ITSN2: variants seen among roughly 807,000 people sequenced by gnomAD.
ITSN2 encodes the protein intersectin-2.
ITSN2 carries 156 observed loss-of-function variants against 243.7 expected under a neutral mutation model. The observed-to-expected ratio is 0.64, with a 90% CI of 0.56 to 0.73. The LOEUF is 0.73. ITSN2 is among the 30% of genes least tolerant of loss of function. The probability of loss-of-function intolerance (pLI) is 0.00; values close to 1 mark genes in which losing one functional copy is unlikely to be tolerated. For missense variants in ITSN2, 1,801 were observed against 1,996.1 expected (o/e 0.90, Z 1.86); for synonymous variants, 703 against 699.9 (o/e 1.00, Z -0.07).
rs367574973 is a variant in ITSN2, at chr2:24,270,731, T to A, written c.2295A>T (p.Leu765Phe). The part of the protein sequence containing the change: ...TASVLVNYRA[L>F]YPFEARNHDE... ...CATGGTTCCTTGCTTCAAAGGGGTA[T>A]AATGCTCTATAATTCACCAAAACAC... The change falls in exon 20 of 40, where the codon TTA becomes TTT. Residue 765 changes from leucine (L) to phenylalanine (F), a missense_variant. Physicochemically the swap from Leu to Phe is conservative, Grantham distance 22. Around this residue, in one of 5 missense-constraint regions of ITSN2, gnomAD observed 787 missense variants for 803.9 expected, o/e 0.98. Transcript: ENST00000355123. The A allele has an allele frequency of 6.3e-7, 1 of 1,599,820 alleles. No individual in the cohort carries two copies. The highest frequency in any genetic ancestry group is 1.1e-5 in the South Asian group (1 of 89,784).
chr2:24,314,539 T>A (rs1192671559), intron 3 of ITSN2, among the ~76,000 whole-genome samples: 2 of 152,350 alleles, frequency 1.3e-5, no homozygotes, highest in East Asian at 3.9e-4. Context: ...AATAAAATAA[T>A]GCACTTAGCA....
chr2:24,310,442 TTC>T, intron 6 of ITSN2, 45 bp downstream of exon 6: 2 of 1,609,424 alleles, frequency 1.2e-6, no homozygotes, highest in Non-Finnish European at 1.7e-6. Context: ...CACAAATAGT[TTC>T]TTTCTTTACA....
At chr2:24,210,176 A>G (rs1669326781) in intron 34 of ITSN2, 143 bp from the exon 35 acceptor site, 1 of 624,360 alleles carries the variant, frequency 1.6e-6, no homozygotes, top group African/African-American at 1.8e-5. Flanking sequence ...TTTGCATGAA[A>G]GATCCTTAAA....
chr2:24,308,418 T>C (rs75009599), intron 8 of ITSN2, among the ~76,000 whole-genome samples, 199 bp downstream of exon 8: 6 of 152,226 alleles, frequency 3.9e-5, no homozygotes, highest in East Asian at 3.8e-4. Context: ...AGTAAGAACT[T>C]TGAAGAAAGC....
chr2:24,248,120 G>A (rs969497288), intron 27 of ITSN2, among the ~76,000 whole-genome samples: 5 of 151,630 alleles, frequency 3.3e-5, no homozygotes, highest in African/African-American at 1.2e-4. Flanking sequence ...CCCTTTTCCT[G>A]TATCAAAACA....
intron 36 of ITSN2, among the ~76,000 whole-genome samples, chr2:24,208,598 G>A (rs1048973182): frequency 2.6e-5 from 4 of 152,182 alleles, no homozygotes; most frequent in African/African-American, 7.2e-5. Context: ...TACCTGTCAC[G>A]AGGGGTTCTA....
chr2:24,313,617 T>C, intron 3 of ITSN2, 94 bp from the exon 4 acceptor site: 1 of 773,266 alleles, frequency 1.3e-6, no homozygotes, highest in Non-Finnish European at 2.1e-6. Context: ...TAATGATTTA[T>C]TATAATTTTA....
At chr2:24,258,134 G>C in intron 22 of ITSN2, 41 bp from the exon 23 acceptor site, 1 of 1,404,714 alleles carries the variant, frequency 7.1e-7, no homozygotes, top group Non-Finnish European at 1.0e-6. Context: ...AAAGGCAATG[G>C]TAACTATGAT....
chr2:24,317,444 T>C (rs1180123864), intron 2 of ITSN2, among the ~76,000 whole-genome samples: 1 of 151,426 alleles, frequency 6.6e-6, no homozygotes. Context: ...CACATTCCAC[T>C]GCTTATAGTA....
chr2:24,337,717 A>G (rs1686617150), intron 1 of ITSN2, among the ~76,000 whole-genome samples: 1 of 140,822 alleles, frequency 7.1e-6, no homozygotes, highest in Non-Finnish European at 1.5e-5. Context: ...CAAACTCCTG[A>G]TCTCAAGAGA....
At chr2:24,325,160 A>G (rs1306022853) in intron 2 of ITSN2, among the ~76,000 whole-genome samples, 1 of 152,136 alleles carries the variant, frequency 6.6e-6, no homozygotes, top group African/African-American at 2.4e-5. Context: ...CTGTAATCCA[A>G]GCACTTTGGG....
intron 37 of ITSN2, among the ~76,000 whole-genome samples, chr2:24,207,713 A>C (rs1024138553): frequency 6.6e-6 from 1 of 151,864 alleles, no homozygotes; most frequent in African/African-American, 2.4e-5. Flanking sequence ...CACTGGTGTC[A>C]CTGGTGGGGA....
chr2:24,356,977 A>G (rs1425548188), intron 1 of ITSN2, among the ~76,000 whole-genome samples: 1 of 152,138 alleles, frequency 6.6e-6, no homozygotes, highest in East Asian at 1.9e-4. Context: ...CAGGAAAACA[A>G]TAGATGCTGG....
intron 20 of ITSN2, among the ~76,000 whole-genome samples, chr2:24,266,094 T>A (rs993189395): frequency 3.6e-4 from 55 of 152,340 alleles, no homozygotes; most frequent in African/African-American, 1.3e-3. Context: ...ATATAAGGCA[T>A]AATCCTTCAA....
Position 24,216,223 on chromosome 2 carries a change from C to T in ITSN2, c.3816G>A (p.Arg1272=), listed in dbSNP as rs754831602. The T allele has an allele frequency of 1.9e-6, 3 of 1,598,670 alleles. No homozygotes were observed. Among genetic ancestry groups the T allele is most frequent in the East Asian group, 2.3e-5 (1 of 44,206 alleles). ...MSNTKLLKAL[R]VRKKTGGEKM... ...TCTCGCCCCCGGTCTTCTTCCGCACCCGCAAAGCCCTGCCAAGAACACACT... is the reference window on the plus strand; with the variant it reads ...TCTCGCCCCCGGTCTTCTTCCGCACTCGCAAAGCCCTGCCAAGAACACACT... Residue 1272 remains arginine, a synonymous_variant, in exon 32 of 40, where the codon CGG becomes CGA. Transcript: ENST00000355123.
chr2:24,218,984 T>C (rs890463785), intron 30 of ITSN2, among the ~76,000 whole-genome samples: 6 of 152,168 alleles, frequency 3.9e-5, no homozygotes, highest in African/African-American at 1.4e-4. Flanking sequence ...CTATGAGACC[T>C]GCCCCCTGCC....
intron 2 of ITSN2, among the ~76,000 whole-genome samples, chr2:24,318,101 A>G (rs1003994600): frequency 2.0e-5 from 3 of 152,074 alleles, no homozygotes; most frequent in African/African-American, 7.2e-5. Context: ...CAATCAGCCC[A>G]CGATGCCCAC....
intron 24 of ITSN2, 84 bp downstream of exon 24, chr2:24,254,283 G>T: frequency 1.1e-6 from 1 of 914,872 alleles, no homozygotes; most frequent in Non-Finnish European, 1.8e-6. Context: ...GCAACTATGT[G>T]AAGAACAGCA....
chr2:24,261,917 TTTTTAA>T (rs1383240070), intron 20 of ITSN2, among the ~76,000 whole-genome samples, 175 bp from the exon 21 acceptor site: 6 of 152,210 alleles, frequency 3.9e-5, no homozygotes, highest in Admixed American at 2.6e-4. Context: ...GCAAGTTGTC[TTTTTAA>T]TTTTAATTTT....
Sources: gnomAD v4.1 joint callset for allele counts (sites outside exome capture counted in the v4.1 genomes callset) on GRCh38, gnomAD v4.1.1 for gene constraint, gnomAD v4.1.1 regional missense constraint, MANE v1.5 for transcripts, NCBI Gene and HGNC (gene_info 2026-07-23, HGNC 2026-07-21) for gene names.